GTF2F2: variants seen among roughly 807,000 people sequenced by gnomAD.
GTF2F2 encodes ATP-dependent helicase GTF2F2.
GTF2F2 carries 23 observed loss-of-function variants against 42.2 expected under a neutral mutation model. That is an observed-to-expected ratio of 0.55 (90% confidence interval 0.39 to 0.77). The LOEUF (loss-of-function observed/expected upper bound fraction) is 0.77. Ranked by LOEUF, GTF2F2 falls within the 30% of genes least tolerant of loss-of-function variation. GTF2F2 has a pLI of 0.00. For missense variants in GTF2F2, 261 were observed against 287.2 expected, an observed-to-expected ratio of 0.91 and a Z score of 0.66; for synonymous variants, 105 against 100.8, an observed-to-expected ratio of 1.04 and a Z score of -0.25.
chr13:45,255,209 A>G (rs186970879), intron 6 of GTF2F2, among the ~76,000 whole-genome samples: 6 of 151,378 alleles, frequency 4.0e-5, no homozygotes, highest in Admixed American at 2.0e-4. Flanking sequence ...TTTAGTATCA[A>G]CATTTATTAA....
At chr13:45,260,678 C>CAT (rs1876301627) in intron 6 of GTF2F2, among the ~76,000 whole-genome samples, 1 of 152,130 alleles carries the variant, frequency 6.6e-6, no homozygotes, top group Non-Finnish European at 1.5e-5. Context: ...GATGGTTGAA[C>CAT]ATATATATAC....
At chr13:45,266,506 G>T (rs1876565550) in intron 6 of GTF2F2, among the ~76,000 whole-genome samples, 1 of 152,092 alleles carries the variant, frequency 6.6e-6, no homozygotes, top group South Asian at 2.1e-4. Flanking sequence ...CTGCCTCCAA[G>T]AACCCCACAT....
At chr13:45,203,590 T>C (rs1398148873) in intron 4 of GTF2F2, among the ~76,000 whole-genome samples, 1 of 152,190 alleles carries the variant, frequency 6.6e-6, no homozygotes, top group Admixed American at 6.5e-5. Context: ...ATAGTTTTTA[T>C]AGAAACACCC....
chr13:45,127,166 A>AT (rs943628083), intron 1 of GTF2F2, among the ~76,000 whole-genome samples: 2 of 152,208 alleles, frequency 1.3e-5, no homozygotes, highest in Middle Eastern at 3.4e-3. Flanking sequence ...TATTATTATT[A>AT]TTTTTTATTG....
chr13:45,231,064 T>A (rs1457434305), intron 5 of GTF2F2, among the ~76,000 whole-genome samples: 3 of 151,732 alleles, frequency 2.0e-5, no homozygotes, highest in Non-Finnish European at 4.4e-5. Flanking sequence ...TTTTATTTTT[T>A]AATTTTCATT....
At chr13:45,120,851 G>C (rs991377224) in intron 1 of GTF2F2, 130 bp downstream of exon 1, 1 of 660,178 alleles carries the variant, frequency 1.5e-6, no homozygotes, top group Non-Finnish European at 2.7e-6. Flanking sequence ...CACACATTTT[G>C]AGAGGCAGGA....
chr13:45,268,880 T>TA (rs1390251819), intron 7 of GTF2F2, among the ~76,000 whole-genome samples: 1 of 152,188 alleles, frequency 6.6e-6, no homozygotes, highest in Non-Finnish European at 1.5e-5. Context: ...GAACAAGTAT[T>TA]ACTAGTGTGT....
At chr13:45,163,579 A>G (rs961723097) in intron 4 of GTF2F2, among the ~76,000 whole-genome samples, 1 of 152,140 alleles carries the variant, frequency 6.6e-6, no homozygotes, top group Non-Finnish European at 1.5e-5. Flanking sequence ...CGGTATTAAA[A>G]CTAAGTAATT....
intron 5 of GTF2F2, among the ~76,000 whole-genome samples, chr13:45,224,259 G>A (rs934118174): frequency 6.6e-6 from 1 of 152,160 alleles, no homozygotes; most frequent in African/African-American, 2.4e-5. Context: ...TTGTCATGTT[G>A]ATTGTGTTAC....
Position 45,225,667 on chromosome 13 carries a change from G to T in GTF2F2, c.386+18162G>T, listed in dbSNP as rs142966844. 8.9e-4 allele frequency among the ~76,000 whole-genome samples: 130 copies of T among 145,388 alleles called. 1 individual carries two copies. Among genetic ancestry groups the T allele is most frequent in the African/African-American group, 3.2e-3 (125 of 39,010 alleles). On this transcript the variant is annotated intron_variant, in intron 5 of 7. Coordinates refer to ENST00000340473, the MANE Select transcript of GTF2F2 (RefSeq NM_004128.3). ...GGCCTATGACAAGCTGTCTCCCAAA[G>T]ACAACCGTGATTAGAAAGCCAGAGC...
chr13:45,180,480 A>G (rs1025148968), intron 4 of GTF2F2, among the ~76,000 whole-genome samples: 3 of 152,292 alleles, frequency 2.0e-5, no homozygotes, highest in East Asian at 1.9e-4. Flanking sequence ...CCTCAAAGCA[A>G]AGTTTTGGCT....
chr13:45,279,656 C>T (rs1877177248), intron 7 of GTF2F2, among the ~76,000 whole-genome samples: 1 of 152,126 alleles, frequency 6.6e-6, no homozygotes, highest in South Asian at 2.1e-4. Context: ...GCCTGTAATC[C>T]TAGCGCTTTG....
At chr13:45,213,356 G>T (rs1289095752) in intron 5 of GTF2F2, among the ~76,000 whole-genome samples, 1 of 152,104 alleles carries the variant, frequency 6.6e-6, no homozygotes, top group Non-Finnish European at 1.5e-5. Context: ...TGGGATTACA[G>T]GTATGAGCCA....
At chr13:45,265,672 C>T (rs1876534049) in intron 6 of GTF2F2, among the ~76,000 whole-genome samples, 1 of 152,200 alleles carries the variant, frequency 6.6e-6, no homozygotes, top group African/African-American at 2.4e-5. Flanking sequence ...GACAGTCTCT[C>T]ATAAGACATA....
chr13:45,216,675 G>C (rs1297372374), intron 5 of GTF2F2, among the ~76,000 whole-genome samples: 1 of 151,826 alleles, frequency 6.6e-6, no homozygotes, highest in Non-Finnish European at 1.5e-5. Flanking sequence ...GCGCCACCAC[G>C]CCTGGCTATT....
intron 1 of GTF2F2, among the ~76,000 whole-genome samples, chr13:45,130,360 GTGTC>G (rs1321208376): frequency 6.6e-6 from 1 of 152,200 alleles, no homozygotes; most frequent in Non-Finnish European, 1.5e-5. Flanking sequence ...GTTTAGAAAA[GTGTC>G]TGGTAAACAT....
chr13:45,137,876 C>T (rs1046031069), intron 2 of GTF2F2, among the ~76,000 whole-genome samples: 1 of 152,182 alleles, frequency 6.6e-6, no homozygotes, highest in Non-Finnish European at 1.5e-5. Flanking sequence ...ATATGGAATA[C>T]TTCCTAATTC....
At chr13:45,141,752 A>G (rs1158854731) in intron 2 of GTF2F2, among the ~76,000 whole-genome samples, 1 of 152,020 alleles carries the variant, frequency 6.6e-6, no homozygotes, top group African/African-American at 2.4e-5. Flanking sequence ...CCCCATTCAC[A>G]TGCTTTAGAG....
intron 6 of GTF2F2, among the ~76,000 whole-genome samples, chr13:45,260,306 G>A (rs1876283589): frequency 6.6e-6 from 1 of 152,110 alleles, no homozygotes; most frequent in African/African-American, 2.4e-5. Context: ...AGTAATATTT[G>A]CCTGTTATAA....
Sources: allele counts gnomAD v4.1 joint callset (sites outside exome capture counted in the v4.1 genomes callset), GRCh38; gene constraint gnomAD v4.1.1; transcripts MANE v1.5; gene names NCBI Gene and HGNC (gene_info 2026-07-23, HGNC 2026-07-21).